Variants in DNAH17 observed in about 807,000 individuals in gnomAD.
DNAH17 encodes the protein axonemal beta dynein heavy chain 17.
In DNAH17, 376 loss-of-function variants were observed where a neutral mutation model predicts 485.6. That is an observed-to-expected ratio of 0.77 (90% CI 0.71 to 0.84). The LOEUF (loss-of-function observed/expected upper bound fraction) is 0.84. DNAH17 is among the 40% of genes least tolerant of loss of function. The probability of loss-of-function intolerance (pLI) is 0.00; values close to 1 mark genes in which losing one functional copy is unlikely to be tolerated. For missense variants in DNAH17, 6,370 were observed against 5,839.3 expected (o/e 1.09, Z -2.96); for synonymous variants, 3,031 against 2,405.9 (o/e 1.26, Z -7.60).
At chr17:78,456,371 TCTTCCC>T (rs2087802222) in intron 62 of DNAH17, among the ~76,000 whole-genome samples, 1 of 152,122 alleles carries the variant, frequency 6.6e-6, no homozygotes, top group Non-Finnish European at 1.5e-5. Flanking sequence ...CTGTGTTTCC[TCTTCCC>T]AAGTCACCCG....
chr17:78,437,426 TAATA>T (rs1236501975), intron 74 of DNAH17, among the ~76,000 whole-genome samples: 2 of 152,256 alleles, frequency 1.3e-5, no homozygotes, highest in Non-Finnish European at 2.9e-5. Flanking sequence ...CAGCTTTAAG[TAATA>T]AATAGTGCCA....
intron 52 of DNAH17, 121 bp downstream of exon 52, chr17:78,476,451 G>C (rs1418614893): frequency 8.4e-7 from 1 of 1,196,396 alleles, no homozygotes; most frequent in Non-Finnish European, 1.1e-6. Flanking sequence ...AACCTAACAC[G>C]GATCTTCCCA....
chr17:78,498,972 C>A, intron 37 of DNAH17, 36 bp downstream of exon 37: 1 of 1,528,972 alleles, frequency 6.5e-7, no homozygotes, highest in South Asian at 1.2e-5. Flanking sequence ...GCCAGTCACC[C>A]GACGTGACCC....
intron 13 of DNAH17, among the ~76,000 whole-genome samples, chr17:78,558,768 TTCTC>T (rs2092087714): frequency 6.6e-6 from 1 of 152,188 alleles, no homozygotes; most frequent in African/African-American, 2.4e-5. Flanking sequence ...ACCTTCTGTT[TTCTC>T]TCTGCTTTCA....
rs772117310 is a variant in DNAH17, at chr17:78,425,385, GA to G, written c.13101del (p.Pro4368ArgfsTer29). On this transcript the variant is annotated frameshift_variant, in exon 80 of 81. Coordinates refer to ENST00000389840, the MANE Select transcript of DNAH17 (RefSeq NM_173628.4). LOFTEE classifies it high-confidence loss of function. ...TKKNREDMTA[P>X]PREGSYVYGL... ...CCGTACACGTAGGAGCCCTCTCGCG[GA>G]GGAGCGGTCATGTCCTCTCGGTTTT... 2 of 1,613,982 alleles carry G rather than the reference GA, an allele frequency of 1.2e-6. No individual in the cohort carries two copies. The highest frequency in any genetic ancestry group is 1.7e-5 in the Admixed American group (1 of 60,026).
rs55669221 is a variant in DNAH17 at position 78,544,800 on chromosome 17, C to CAAAAAAAAAAAAAAAAAAAAAAAAAA, written c.2392-804_2392-803insTTTTTTTTTTTTTTTTTTTTTTTTTT. ...TGGGGCACAGAGCGAGACTCAGTCTCAAAAAAAAAAAAAAAAAAAAAAAAG... is the reference window on the plus strand; with the variant it reads ...TGGGGCACAGAGCGAGACTCAGTCTCAAAAAAAAAAAAAAAAAAAAAAAAAAAAAAAAAAAAAAAAAAAAAAAAAAG... On this transcript the variant is annotated intron_variant, in intron 16 of 80. Transcript: ENST00000389840. 5.3e-4 allele frequency among the ~76,000 whole-genome samples: 25 copies of CAAAAAAAAAAAAAAAAAAAAAAAAAA among 46,864 alleles called. 1 individual carries two copies. The highest frequency in any genetic ancestry group is 7.4e-4 in the Non-Finnish European group (19 of 25,806). The allele number at this position is 46,864 out of a possible 152,430, so 30.7% of individuals were successfully genotyped here.
intron 14 of DNAH17, among the ~76,000 whole-genome samples, chr17:78,556,573 T>C (rs954377020): frequency 6.6e-6 from 1 of 152,142 alleles, no homozygotes; most frequent in Non-Finnish European, 1.5e-5. Flanking sequence ...CAAAGTTGTA[T>C]GGTACAAATG....
At chr17:78,533,151 G>A (rs1039800840) in intron 19 of DNAH17, 3 of 186,018 alleles carry the variant, frequency 1.6e-5, no homozygotes, top group Non-Finnish European at 3.2e-5. Flanking sequence ...GGGGAACCCC[G>A]AGATGACTCA....
At chr17:78,426,788 G>T in intron 78 of DNAH17, 138 bp downstream of exon 78, 1 of 1,294,918 alleles carries the variant, frequency 7.7e-7, no homozygotes, top group Admixed American at 2.3e-5. Context: ...GGCTTGTTCT[G>T]GAACTGCCAG....
intron 36 of DNAH17, chr17:78,500,022 G>C: frequency 2.6e-6 from 1 of 382,508 alleles, no homozygotes; most frequent in Non-Finnish European, 4.8e-6. Context: ...GGAGTCCCCA[G>C]TTCGGGGCAA....
At chr17:78,526,196 T>A (rs1045553456) in intron 24 of DNAH17, among the ~76,000 whole-genome samples, 1 of 152,004 alleles carries the variant, frequency 6.6e-6, no homozygotes, top group Non-Finnish European at 1.5e-5. Context: ...GGGAACAGAG[T>A]GGGAACACGA....
At chr17:78,549,884 G>T (rs1277635631) in intron 16 of DNAH17, among the ~76,000 whole-genome samples, 1 of 152,220 alleles carries the variant, frequency 6.6e-6, no homozygotes, top group Non-Finnish European at 1.5e-5. Context: ...AGAAGCCCGT[G>T]GGGTTTGAAC....
At chr17:78,452,149 G>A (rs2087581247) in intron 65 of DNAH17, among the ~76,000 whole-genome samples, 1 of 151,910 alleles carries the variant, frequency 6.6e-6, no homozygotes, top group Non-Finnish European at 1.5e-5. Context: ...TCACCCCTCA[G>A]CACTCACACC....
intron 62 of DNAH17, 195 bp downstream of exon 62, chr17:78,458,368 CAG>C (rs2087912610): frequency 1.7e-6 from 1 of 595,812 alleles, no homozygotes; most frequent in Non-Finnish European, 3.0e-6. Flanking sequence ...AACCACGCGA[CAG>C]GGCATATTTT....
chr17:78,480,012 A>AGTTTTTT (rs1568122167), intron 49 of DNAH17, among the ~76,000 whole-genome samples: 1 of 63,496 alleles, frequency 1.6e-5, no homozygotes, highest in African/African-American at 4.6e-5. Flanking sequence ...AACAACAAGT[A>AGTTTTTT]CTTTTTTTTT....
At chr17:78,491,102 T>G (rs939018617) in intron 43 of DNAH17, among the ~76,000 whole-genome samples, 23 of 152,150 alleles carry the variant, frequency 1.5e-4, no homozygotes, top group African/African-American at 5.3e-4. Context: ...CCATCACCCC[T>G]CCCCATCCTG....
intron 69 of DNAH17, among the ~76,000 whole-genome samples, chr17:78,446,966 T>C (rs974661995): frequency 6.6e-6 from 1 of 151,306 alleles, no homozygotes; most frequent in Non-Finnish European, 1.5e-5. Flanking sequence ...AGAGACAGGG[T>C]GTTGCTCTGT....
intron 70 of DNAH17, 52 bp from the exon 71 acceptor site, chr17:78,444,849 G>T: frequency 1.3e-6 from 2 of 1,514,420 alleles, no homozygotes; most frequent in East Asian, 2.3e-5. Flanking sequence ...CCCGGGTCCC[G>T]AGAGCCTTCC....
chr17:78,454,437 G>T, intron 64 of DNAH17, 33 bp downstream of exon 64: 1 of 1,567,478 alleles, frequency 6.4e-7, no homozygotes, highest in East Asian at 2.3e-5. Flanking sequence ...AAGCAGAGCC[G>T]GGCTTCGGCC....
Sources: allele counts gnomAD v4.1 joint callset (sites outside exome capture counted in the v4.1 genomes callset), GRCh38; gene constraint gnomAD v4.1.1; transcripts MANE v1.5; gene names NCBI Gene and HGNC (gene_info 2026-07-23, HGNC 2026-07-21).